IARS2: variants seen among roughly 807,000 people sequenced by gnomAD.
IARS2 encodes the protein isoleucyl-tRNA synthetase 2, mitochondrial.
A neutral mutation model predicts 126.3 loss-of-function variants in IARS2; 56 were observed. The observed-to-expected ratio is 0.44, with a 90% confidence interval of 0.36 to 0.55. IARS2 has a LOEUF of 0.55. Among genes scored for constraint, IARS2 ranks in the 20% least tolerant of loss-of-function variants. The pLI, the probability that IARS2 is intolerant of heterozygous loss-of-function variation, is 0.00. For synonymous variants in IARS2, 407 were observed against 441.1 expected, an observed-to-expected ratio of 0.92 and a Z score of 0.97; for missense variants, 1,127 against 1,245.9, an observed-to-expected ratio of 0.90 and a Z score of 1.44.
rs758823873 is a variant in IARS2, at chr1:220,147,477, A to G, written c.2897-16A>G. The G allele has an allele frequency of 9.3e-6, 15 of 1,611,996 alleles. No homozygotes were observed. Among genetic ancestry groups the G allele is most frequent in the South Asian group, 4.4e-5 (4 of 91,034 alleles). On this transcript the variant is annotated splice_polypyrimidine_tract_variant and intron_variant, in intron 22 of 22. Transcript: ENST00000366922. ...TGAATGCCTATCAGAAATACTCTTCATGTATTTTTTTATAGGTGGTGATAT... is the reference window on the plus strand; with the variant it reads ...TGAATGCCTATCAGAAATACTCTTCGTGTATTTTTTTATAGGTGGTGATAT...
chr1:220,094,532 C>T (rs1327217497), intron 1 of IARS2, 49 bp downstream of exon 1: 2 of 1,475,524 alleles, frequency 1.4e-6, no homozygotes, highest in African/African-American at 1.4e-5. Context: ...CCGATCCGGC[C>T]GCGGGCACCG....
At chr1:220,118,199 T>C (rs1238348718) in intron 12 of IARS2, 1 of 506,762 alleles carries the variant, frequency 2.0e-6, no homozygotes, top group East Asian at 5.5e-5. Context: ...TGGAAATTGG[T>C]ACACAGTCCA....
intron 12 of IARS2, among the ~76,000 whole-genome samples, chr1:220,120,328 C>T (rs539415126): frequency 1.3e-5 from 2 of 151,342 alleles, no homozygotes; most frequent in Non-Finnish European, 2.9e-5. Flanking sequence ...GTGATCCGCC[C>T]GCCTCGGCCT....
At chr1:220,100,352 A>T in intron 2 of IARS2, 138 bp from the exon 3 acceptor site, 1 of 677,562 alleles carries the variant, frequency 1.5e-6, no homozygotes, top group Non-Finnish European at 2.4e-6. Flanking sequence ...AAATGGTATT[A>T]AGTTTAAAAA....
At chr1:220,133,515 C>G (rs1287695753) in intron 14 of IARS2, among the ~76,000 whole-genome samples, 1 of 152,134 alleles carries the variant, frequency 6.6e-6, no homozygotes, top group Non-Finnish European at 1.5e-5. Context: ...ATGAAGATTA[C>G]AACACTAAAT....
intron 22 of IARS2, among the ~76,000 whole-genome samples, chr1:220,146,294 A>T (rs1397095313): frequency 6.6e-6 from 1 of 152,054 alleles, no homozygotes; most frequent in Non-Finnish European, 1.5e-5. Flanking sequence ...AGGCGGGCGG[A>T]TCGTGAGGTC....
chr1:220,144,232 A>T (rs1266776372), intron 21 of IARS2: 1 of 768,420 alleles, frequency 1.3e-6, no homozygotes, highest in Non-Finnish European at 2.4e-6. Flanking sequence ...CTTCATCATC[A>T]CGGTGAGAAA....
In IARS2 at chr1:220,094,292, C is replaced by G. The variant is rs765440717; in HGVS notation, c.76C>G (p.Arg26Gly). The G allele has an allele frequency of 1.9e-6, 3 of 1,611,410 alleles. No homozygotes were observed. The highest frequency in any genetic ancestry group is 1.7e-6 in the Non-Finnish European group (2 of 1,179,010). Residue 26 changes from arginine (R) to glycine (G), a missense_variant, in exon 1 of 23, where the codon CGC (arginine) becomes GGC (glycine). Arg to Gly is a moderately radical substitution (Grantham distance 125). Coordinates refer to ENST00000366922, the MANE Select transcript of IARS2 (RefSeq NM_018060.4). ...TGCCCGAAGTTTGTGGGGGACGCCC[C>G]GCCTTCCCTGCAGCCCGGGATGGCA... is the stretch of plus-strand genomic sequence containing the variant. ...ATARSLWGTP[R>G]LPCSPGWQGA...
At chr1:220,109,592 A>G (rs1656756250) in intron 10 of IARS2, among the ~76,000 whole-genome samples, 1 of 152,204 alleles carries the variant, frequency 6.6e-6, no homozygotes. Context: ...ACTTTTAGAG[A>G]CAGCAGCTTC....
intron 12 of IARS2, among the ~76,000 whole-genome samples, chr1:220,118,686 G>A (rs1293612521): frequency 1.3e-5 from 2 of 152,058 alleles, no homozygotes; most frequent in East Asian, 3.8e-4. Context: ...TTAACATAGT[G>A]AAACTTAGCC....
At position 220,126,217 on chromosome 1, in the gene IARS2, G is replaced by A. The variant is rs566643523; in HGVS notation, c.1744-533G>A. Reference sequence around the variant, plus strand: ...TTGAACCCAGGAGACGGAGGTTGCAGTGAGCCGAGATCGCGCCATTGCACT... The same window carrying A: ...TTGAACCCAGGAGACGGAGGTTGCAATGAGCCGAGATCGCGCCATTGCACT... On this transcript the variant is annotated intron_variant, in intron 13 of 22. Coordinates refer to ENST00000366922, the MANE Select transcript of IARS2 (RefSeq NM_018060.4). 9.3e-4 allele frequency among the ~76,000 whole-genome samples: 141 copies of A among 152,264 alleles called. No homozygotes were observed. In the Middle Eastern group the frequency reaches 0.01, roughly 11 times the overall value.
intron 1 of IARS2, among the ~76,000 whole-genome samples, chr1:220,095,638 A>G (rs971664996): frequency 6.6e-6 from 1 of 152,218 alleles, no homozygotes; most frequent in African/African-American, 2.4e-5. Context: ...TAACCTGGAC[A>G]AAATCATACA....
chr1:220,141,612 A>G (rs1258060755), intron 19 of IARS2, among the ~76,000 whole-genome samples, 191 bp from the exon 20 acceptor site: 1 of 152,202 alleles, frequency 6.6e-6, no homozygotes, highest in African/African-American at 2.4e-5. Context: ...CGTAGCCATG[A>G]GTGCTTTCAA....
chr1:220,107,076 G>A lies in IARS2; in HGVS notation c.1252G>A (p.Glu418Lys), dbSNP rs146096063. ...TACTTTATAGGATTGTCTAGTGGAC[G>A]AAGATGGAGTTTTCACAGATGTTGC... ...HNLPMDCLVDEDGVFTDVAGP... is the reference protein window; with the variant it reads ...HNLPMDCLVDKDGVFTDVAGP... The change falls in exon 10 of 23, where the codon GAA (glutamate) becomes AAA (lysine). Residue 418 changes from glutamate (E) to lysine (K), a missense_variant. By Grantham distance (56) the Glu-to-Lys change is moderately conservative (BLOSUM62 1). Transcript: ENST00000366922. 14 of 1,610,510 alleles carry A rather than the reference G, an allele frequency of 8.7e-6. No homozygotes were observed. Among genetic ancestry groups the A allele is most frequent in the Admixed American group, 1.7e-5 (1 of 59,990 alleles).
intron 21 of IARS2, chr1:220,143,895 T>C (rs1657535543): frequency 5.2e-6 from 4 of 763,518 alleles, no homozygotes; most frequent in Admixed American, 2.1e-5. Flanking sequence ...AAGAAGAGAA[T>C]TGGCAATGAA....
intron 14 of IARS2, among the ~76,000 whole-genome samples, chr1:220,132,344 T>C (rs1042987995): frequency 6.6e-6 from 1 of 152,136 alleles, no homozygotes; most frequent in Admixed American, 6.6e-5. Flanking sequence ...TTGTTACTTA[T>C]TCAGTCCGGT....
At chr1:220,100,881 C>T (rs1237409322) in intron 3 of IARS2, among the ~76,000 whole-genome samples, 2 of 152,290 alleles carry the variant, frequency 1.3e-5, no homozygotes, top group South Asian at 4.1e-4. Context: ...ATTGCATTCT[C>T]AGTTTCTTAA....
chr1:220,106,751 G>A (rs1656689391), intron 9 of IARS2, among the ~76,000 whole-genome samples: 1 of 151,314 alleles, frequency 6.6e-6, no homozygotes, highest in Non-Finnish European at 1.5e-5. Flanking sequence ...TCCTGCCTCA[G>A]CCTCCCGAGT....
At chr1:220,097,525 G>A (rs1221694492) in intron 2 of IARS2, among the ~76,000 whole-genome samples, 12 of 150,792 alleles carry the variant, frequency 8.0e-5, no homozygotes, top group African/African-American at 2.0e-4. Context: ...CACCACGCCC[G>A]GCTAATTTTT....
Sources: gnomAD v4.1 joint callset for allele counts (sites outside exome capture counted in the v4.1 genomes callset) on GRCh38, gnomAD v4.1.1 for gene constraint, MANE v1.5 for transcripts, NCBI Gene and HGNC (gene_info 2026-07-23, HGNC 2026-07-21) for gene names.